ANO4: variants seen among roughly 807,000 people sequenced by gnomAD.
ANO4 encodes anoctamin 4.
A neutral mutation model predicts 141.9 loss-of-function variants in ANO4; 69 were observed. The observed-to-expected ratio is 0.49, with a 90% CI of 0.40 to 0.59. ANO4 has a LOEUF of 0.59. Ranked by LOEUF, ANO4 falls within the 20% of genes least tolerant of loss-of-function variation. The pLI is 0.00. For missense variants in ANO4, 894 were observed against 1,162.2 expected, an observed-to-expected ratio of 0.77 and a Z score of 3.36; for synonymous variants, 350 against 394.3, an observed-to-expected ratio of 0.89 and a Z score of 1.33.
Position 100,974,874 on chromosome 12 carries a change from A to G in ANO4, c.587A>G (p.Tyr196Cys). The change falls in exon 7 of 28, where the codon TAC becomes TGC. Residue 196 changes from tyrosine (Y) to cysteine (C), a missense_variant. Around this residue, in one of 2 missense-constraint regions of ANO4, gnomAD observed 257 missense variants for 253.0 expected, o/e 1.02. Transcript: ENST00000392977. ...RRKIYYLPRR[Y>C]KFMSRIDKQI... The stretch of plus-strand genomic sequence containing the variant: ...AAAATCTATTACCTGCCCCGCCGTT[A>G]CAAGTTCATGAGCAGGTTAGTAGCA... 1.2e-6 allele frequency: 2 copies of G among 1,614,102 alleles called. No homozygotes were observed. The highest frequency in any genetic ancestry group is 1.7e-6 in the Non-Finnish European group (2 of 1,179,996).
At chr12:101,093,390 G>A (rs1593251214) in intron 17 of ANO4, among the ~76,000 whole-genome samples, 1 of 152,252 alleles carries the variant, frequency 6.6e-6, no homozygotes, top group East Asian at 1.9e-4. Flanking sequence ...GTAGCTTGCT[G>A]GATGGTCAAG....
rs542351310 is a variant in ANO4, at chr12:101,013,936, G to T, written c.735-6098G>T. ...AAGAAAGTTACCTGCTTTAAAATTA[G>T]CATATTTTATAATAAGCTGATTTTA... On this transcript the variant is annotated intron_variant, in intron 8 of 27. Transcript: ENST00000392977. Among the ~76,000 whole-genome samples, 96 of 152,234 alleles carry T rather than the reference G, an allele frequency of 6.3e-4. 2 individuals are homozygous for T. The highest frequency in any genetic ancestry group is 3.4e-3 in the Middle Eastern group (1 of 294).
chr12:101,114,376 G>A (rs1167054596), intron 24 of ANO4, among the ~76,000 whole-genome samples: 1 of 152,206 alleles, frequency 6.6e-6, no homozygotes, highest in East Asian at 1.9e-4. Context: ...ATGGAAGGAA[G>A]ATGTACACAG....
At chr12:101,009,348 T>G (rs988496439) in intron 8 of ANO4, among the ~76,000 whole-genome samples, 2 of 152,102 alleles carry the variant, frequency 1.3e-5, no homozygotes, top group African/African-American at 4.8e-5. Flanking sequence ...TCTTGGACTT[T>G]CAGCCTCCAG....
intron 3 of ANO4, among the ~76,000 whole-genome samples, chr12:100,770,295 T>C (rs181870729): frequency 6.6e-6 from 1 of 152,356 alleles, no homozygotes; most frequent in Admixed American, 6.5e-5. Context: ...TTTTCTATTA[T>C]GGGCCTGAAA....
At chr12:101,080,742 GC>G (rs2049211354) in intron 15 of ANO4, among the ~76,000 whole-genome samples, 1 of 151,576 alleles carries the variant, frequency 6.6e-6, no homozygotes, top group Admixed American at 6.6e-5. Flanking sequence ...CACAAGAATT[GC>G]TTGAACCCAG....
intron 7 of ANO4, among the ~76,000 whole-genome samples, chr12:100,984,103 T>C (rs1335197700): frequency 2.6e-5 from 4 of 152,134 alleles, no homozygotes; most frequent in South Asian, 2.1e-4. Context: ...GGGATTTTAT[T>C]TATTTATTTA....
intron 3 of ANO4, among the ~76,000 whole-genome samples, chr12:100,927,309 C>T (rs1343369318): frequency 6.6e-6 from 1 of 152,012 alleles, no homozygotes; most frequent in Non-Finnish European, 1.5e-5. Context: ...TAGTTTGATG[C>T]AATGATAACA....
At position 100,765,716 on chromosome 12, in the gene ANO4, T is replaced by C. The variant is rs1397975556; in HGVS notation, c.358+25611T>C. 2.0e-5 allele frequency among the ~76,000 whole-genome samples: 3 copies of C among 151,192 alleles called. No individual in the cohort carries two copies. In the East Asian group the frequency reaches 5.8e-4, roughly 29 times the overall value. On this transcript the variant is annotated intron_variant, in intron 3 of 29. Transcript: ENST00000644049. The stretch of plus-strand genomic sequence containing the variant: ...AAAAAAAAAAAAAAGAGTTCTTAGA[T>C]TGATCTTTTCTATTTTTAAATTTAA...
intron 3 of ANO4, among the ~76,000 whole-genome samples, chr12:100,927,940 T>A (rs2136125241): frequency 6.6e-6 from 1 of 152,262 alleles, no homozygotes; most frequent in East Asian, 1.9e-4. Flanking sequence ...GATTGTGGGA[T>A]CATTGTTATC....
At chr12:100,825,621 C>T (rs959525915) in intron 1 of ANO4, among the ~76,000 whole-genome samples, 7 of 151,992 alleles carry the variant, frequency 4.6e-5, no homozygotes, top group African/African-American at 7.2e-5. Context: ...TCACATATGA[C>T]GGCCCCTTCT....
chr12:100,971,663 G>A (rs1283900148), intron 6 of ANO4, among the ~76,000 whole-genome samples: 2 of 152,122 alleles, frequency 1.3e-5, no homozygotes, highest in Non-Finnish European at 2.9e-5. Flanking sequence ...TTTTCCAAGT[G>A]GCATTTTTAT....
upstream of ANO4, among the ~76,000 whole-genome samples, chr12:100,793,725 C>T (rs909114083): frequency 1.1e-4 from 16 of 152,220 alleles, no homozygotes; most frequent in Admixed American, 4.6e-4. Context: ...CTGTGGAGTC[C>T]AATTAAACTG....
intron 3 of ANO4, among the ~76,000 whole-genome samples, chr12:100,745,463 A>C (rs1420329938): frequency 6.6e-6 from 1 of 152,226 alleles, no homozygotes; most frequent in Non-Finnish European, 1.5e-5. Context: ...TTAGGAATTA[A>C]TGTTTTGATC....
In ANO4 at chr12:101,096,521, A is replaced by T. The variant is rs2049989719; in HGVS notation, c.1739-15A>T. The T allele has an allele frequency of 1.3e-6, 2 of 1,599,070 alleles. No homozygotes were observed. ...AGATTCAGCCTTTCAAACTCTGCTC[A>T]CCTTTTGTCCACAGAACAGCCTCGC... On this transcript the variant is annotated splice_polypyrimidine_tract_variant and intron_variant, in intron 18 of 27. Coordinates refer to ENST00000392977, the MANE Select transcript of ANO4 (RefSeq NM_001286615.2).
rs559142116 is a variant in ANO4, at chr12:100,867,385, T to A, written c.-140-34261T>A. 9.5e-4 allele frequency among the ~76,000 whole-genome samples: 144 copies of A among 152,230 alleles called. 2 individuals are homozygous for A. The highest frequency in any genetic ancestry group is 3.3e-3 in the African/African-American group (135 of 41,530). On this transcript the variant is annotated intron_variant, in intron 1 of 27. Transcript: ENST00000392977. ...AAGGCCTGAGCAGTAGGCGAGCCAA[T>A]GGAATAAGGTCTAGCCTGAGTCTGA...
chr12:100,996,078 C>T (rs1369777692), intron 8 of ANO4, among the ~76,000 whole-genome samples: 1 of 152,234 alleles, frequency 6.6e-6, no homozygotes, highest in African/African-American at 2.4e-5. Context: ...GTTCTGCTAA[C>T]TGATAATCTA....
At chr12:100,781,780 G>A (rs1302221620) in intron 3 of ANO4, among the ~76,000 whole-genome samples, 2 of 152,158 alleles carry the variant, frequency 1.3e-5, no homozygotes, top group East Asian at 1.9e-4. Flanking sequence ...AAAAAAGACA[G>A]CATTTAATTA....
At chr12:100,996,913 C>T (rs1462253634) in intron 8 of ANO4, among the ~76,000 whole-genome samples, 1 of 138,890 alleles carries the variant, frequency 7.2e-6, no homozygotes, top group Non-Finnish European at 1.6e-5. Context: ...TAAACAACTC[C>T]TTCATTCCAG....
Sources: allele counts gnomAD v4.1 joint callset (sites outside exome capture counted in the v4.1 genomes callset), GRCh38; gene constraint gnomAD v4.1.1; regional missense constraint gnomAD v4.1.1; transcripts MANE v1.5; gene names NCBI Gene and HGNC (gene_info 2026-07-23, HGNC 2026-07-21).